Variants in PTPRD observed in about 807,000 individuals in gnomAD.
PTPRD encodes protein tyrosine phosphatase receptor type D, also known as receptor-type tyrosine-protein phosphatase delta.
A neutral mutation model predicts 214.5 loss-of-function variants in PTPRD; 34 were observed. That is an observed-to-expected ratio of 0.16 (90% CI 0.12 to 0.21). The LOEUF is 0.21. Among genes scored for constraint, PTPRD ranks in the 10% least tolerant of loss-of-function variants. The pLI, the probability that PTPRD is intolerant of heterozygous loss-of-function variation, is 1.00. For synonymous variants in PTPRD, 1,128 were observed against 845.7 expected (o/e 1.33, Z -5.79); for missense variants, 2,545 against 2,398.7 (o/e 1.06, Z -1.27).
intron 11 of PTPRD, among the ~76,000 whole-genome samples, chr9:8,955,614 T>A (rs940721428): frequency 1.3e-5 from 2 of 151,452 alleles, no homozygotes; most frequent in African/African-American, 4.8e-5. Flanking sequence ...TTCTGTTTTT[T>A]ATTTTTTATT....
chr9:9,494,730 A>T (rs1020354488), intron 8 of PTPRD, among the ~76,000 whole-genome samples: 1 of 152,226 alleles, frequency 6.6e-6, no homozygotes, highest in African/African-American at 2.4e-5. Context: ...TAAAATGTCG[A>T]TATGACCCAA....
intron 2 of PTPRD, among the ~76,000 whole-genome samples, chr9:10,394,023 GACAA>G (rs2098121603): frequency 6.8e-6 from 1 of 146,088 alleles, no homozygotes; most frequent in African/African-American, 2.5e-5. Context: ...CAGAAGAAGA[GACAA>G]ACAATAAATA....
At chr9:9,281,228 G>A (rs1049302275) in intron 9 of PTPRD, among the ~76,000 whole-genome samples, 1 of 151,130 alleles carries the variant, frequency 6.6e-6, no homozygotes, top group African/African-American at 2.4e-5. Context: ...ATTAAGGTAT[G>A]ATCAGTGAAA....
At chr9:9,752,074 G>A (rs1471283079) in intron 6 of PTPRD, among the ~76,000 whole-genome samples, 2 of 152,108 alleles carry the variant, frequency 1.3e-5, no homozygotes, top group East Asian at 1.9e-4. Flanking sequence ...AGGAGACAAT[G>A]AAGGAATTAT....
intron 10 of PTPRD, among the ~76,000 whole-genome samples, chr9:9,113,240 G>T (rs533563213): frequency 1.3e-5 from 2 of 152,124 alleles, no homozygotes; most frequent in African/African-American, 4.8e-5. Context: ...CCCCCGAGGT[G>T]CTACAATTAC....
chr9:8,856,846 C>G (rs964504443), intron 11 of PTPRD, among the ~76,000 whole-genome samples: 4 of 152,308 alleles, frequency 2.6e-5, no homozygotes, highest in Non-Finnish European at 5.9e-5. Flanking sequence ...ACTGACTTCA[C>G]TTGCTAGTGC....
chr9:10,409,411 C>T (rs988529563), intron 2 of PTPRD, among the ~76,000 whole-genome samples: 3 of 151,646 alleles, frequency 2.0e-5, no homozygotes, highest in African/African-American at 4.8e-5. Context: ...ATACTAATCA[C>T]CCTAATAGCA....
intron 9 of PTPRD, among the ~76,000 whole-genome samples, chr9:9,336,143 T>A (rs1395018647): frequency 6.6e-6 from 1 of 152,120 alleles, no homozygotes; most frequent in African/African-American, 2.4e-5. Context: ...ATAAGCTTTG[T>A]AACCGCCTCA....
chr9:9,500,800 A>C (rs1231915980), intron 8 of PTPRD, among the ~76,000 whole-genome samples: 4 of 152,040 alleles, frequency 2.6e-5, no homozygotes, highest in Non-Finnish European at 5.9e-5. Context: ...AAAAATAATA[A>C]AGTTGTTTTG....
At chr9:9,924,267 C>A (rs994172221) in intron 5 of PTPRD, among the ~76,000 whole-genome samples, 1 of 151,822 alleles carries the variant, frequency 6.6e-6, no homozygotes, top group South Asian at 2.1e-4. Flanking sequence ...GATAATAATA[C>A]AAGCATATTA....
intron 9 of PTPRD, among the ~76,000 whole-genome samples, chr9:9,332,645 C>G (rs2042776275): frequency 1.3e-5 from 2 of 150,682 alleles, no homozygotes. Flanking sequence ...TCAACATTTT[C>G]TAGTGATGCT....
At chr9:9,881,205 G>A (rs936947113) in intron 5 of PTPRD, among the ~76,000 whole-genome samples, 2 of 151,946 alleles carry the variant, frequency 1.3e-5, no homozygotes, top group Non-Finnish European at 2.9e-5. Context: ...GCAGAATTTG[G>A]ACATTCAAAG....
intron 10 of PTPRD, among the ~76,000 whole-genome samples, chr9:9,122,493 T>G (rs183233654): frequency 6.6e-6 from 1 of 152,178 alleles, no homozygotes; most frequent in African/African-American, 2.4e-5. Flanking sequence ...TGCTCTATTT[T>G]TTTCCTTTTT....
chr9:8,682,906 G>A (rs1361041915), intron 12 of PTPRD, among the ~76,000 whole-genome samples: 2 of 152,070 alleles, frequency 1.3e-5, no homozygotes, highest in Non-Finnish European at 2.9e-5. Flanking sequence ...AGTTTCTGCT[G>A]TTGCTATTTT....
In PTPRD at chr9:9,122,229, G is replaced by C. The variant is rs73641220; in HGVS notation, c.-143+61075C>G. Among the ~76,000 whole-genome samples, 689 of 152,244 alleles carry C rather than the reference G, an allele frequency of 4.5e-3. 4 individuals carry two copies. Among genetic ancestry groups the C allele is most frequent in the African/African-American group, 6.8e-3 (284 of 41,532 alleles). On this transcript the variant is annotated intron_variant, in intron 10 of 45. Coordinates refer to ENST00000381196, the MANE Select transcript of PTPRD (RefSeq NM_002839.4). ...CTCATCAGATATTATTTCTAGCTTT[G>C]CTGATTAAGAGAAGCAACACTTATT... is the stretch of plus-strand genomic sequence containing the variant.
At chr9:8,535,691 T>A (rs920611026) in intron 14 of PTPRD, among the ~76,000 whole-genome samples, 1 of 151,888 alleles carries the variant, frequency 6.6e-6, no homozygotes, top group Non-Finnish European at 1.5e-5. Flanking sequence ...AAATAGTTTT[T>A]AAAAAGATGA....
intron 2 of PTPRD, among the ~76,000 whole-genome samples, chr9:10,600,483 A>C (rs16926164): frequency 0.022 from 3,270 of 151,872 alleles, 57 homozygotes; most frequent in African/African-American, 0.043. Flanking sequence ...TCCAGCAACA[A>C]AGACCTGGAG....
chr9:10,290,735 A>G (rs1177668792), intron 3 of PTPRD, among the ~76,000 whole-genome samples: 1 of 152,144 alleles, frequency 6.6e-6, no homozygotes, highest in Non-Finnish European at 1.5e-5. Context: ...AAAAGACAAC[A>G]GAAGCATTCT....
chr9:10,132,488 G>C (rs763419427), intron 3 of PTPRD, among the ~76,000 whole-genome samples: 1 of 152,048 alleles, frequency 6.6e-6, no homozygotes, highest in African/African-American at 2.4e-5. Context: ...TACTGAAATG[G>C]GAACAAATTA....
Sources: gnomAD v4.1 joint callset for allele counts (sites outside exome capture counted in the v4.1 genomes callset) on GRCh38, gnomAD v4.1.1 for gene constraint, MANE v1.5 for transcripts, NCBI Gene and HGNC (gene_info 2026-07-23, HGNC 2026-07-21) for gene names.